The following NRCAM variants were observed in gnomAD, a reference collection of about 807,000 sequenced individuals.
NRCAM encodes neuronal cell adhesion molecule, also known as NgCAM-related cell adhesion molecule.
A neutral mutation model predicts 156.5 loss-of-function variants in NRCAM; 83 were observed. The observed-to-expected ratio is 0.53, with a 90% CI of 0.44 to 0.64. NRCAM has a LOEUF of 0.64. Among genes scored for constraint, NRCAM ranks in the 30% least tolerant of loss-of-function variants. NRCAM has a pLI of 0.00. For missense variants in NRCAM, 1,417 were observed against 1,597.3 expected, an observed-to-expected ratio of 0.89 and a Z score of 1.92; for synonymous variants, 538 against 563.9, an observed-to-expected ratio of 0.95 and a Z score of 0.65.
chr7:108,454,224 C>A (rs1853855279), intron 1 of NRCAM, among the ~76,000 whole-genome samples: 1 of 152,146 alleles, frequency 6.6e-6, no homozygotes, highest in Non-Finnish European at 1.5e-5. Context: ...CACAATATTG[C>A]CTGCTACTGT....
chr7:108,268,637 G>GGGGGGGGGGGGA (rs2097209664), intron 3 of NRCAM, among the ~76,000 whole-genome samples: 2 of 48,590 alleles, frequency 4.1e-5, no homozygotes, highest in Non-Finnish European at 8.0e-5. Context: ...GGGGGGGGTT[G>GGGGGGGGGGGGA]GGGGGGGCGG....
rs186086454 is a variant in NRCAM, at chr7:108,228,927, T to A, written c.550+2104A>T. ...TTTACTTTCTCTGAGTGCTTTCATA[T>A]AAGGAGAGCCAAAATGCATCCCAGA... On this transcript the variant is annotated intron_variant, in intron 8 of 32. Transcript: ENST00000379028. 2.0e-5 allele frequency among the ~76,000 whole-genome samples: 3 copies of A among 152,276 alleles called. No homozygotes were observed. In the South Asian group the frequency reaches 6.2e-4, roughly 32 times the overall value.
chr7:108,263,187 AT>A (rs2096949466), intron 3 of NRCAM, among the ~76,000 whole-genome samples: 1 of 152,238 alleles, frequency 6.6e-6, no homozygotes, highest in African/African-American at 2.4e-5. Flanking sequence ...CAGTCTCTAG[AT>A]TCCAGGAGGA....
intron 11 of NRCAM, among the ~76,000 whole-genome samples, chr7:108,214,498 TTC>T (rs1491314183): frequency 1.7e-3 from 252 of 150,704 alleles, no homozygotes; most frequent in African/African-American, 5.8e-3. Context: ...TCTTCTCTCT[TTC>T]TTCTTTATTA....
intron 3 of NRCAM, among the ~76,000 whole-genome samples, chr7:108,300,160 CTTTTTTTTTTT>C (rs10665036): frequency 0.012 from 779 of 65,890 alleles, 10 homozygotes; most frequent in African/African-American, 0.041. Flanking sequence ...TTTCTGTTGA[CTTTTTTTTTTT>C]TTTTTTTTTT....
At chr7:108,165,979 G>A (rs907567087) in intron 30 of NRCAM, among the ~76,000 whole-genome samples, 5 of 152,160 alleles carry the variant, frequency 3.3e-5, no homozygotes, top group Admixed American at 6.5e-5. Flanking sequence ...TCCATCTAGC[G>A]AGCAAATACG....
At chr7:108,156,511 G>A (rs1453850933) in intron 32 of NRCAM, 1 of 720,194 alleles carries the variant, frequency 1.4e-6, no homozygotes, top group Non-Finnish European at 1.7e-6. Context: ...AACTGCTTGG[G>A]GGTGGGTGTC....
intron 30 of NRCAM, among the ~76,000 whole-genome samples, chr7:108,163,488 G>A (rs1034121385): frequency 4.6e-5 from 7 of 152,172 alleles, no homozygotes; most frequent in African/African-American, 1.7e-4. Flanking sequence ...CTGTTCAAAT[G>A]CTTAGACATC....
chr7:108,264,802 T>C (rs373239935), intron 3 of NRCAM, among the ~76,000 whole-genome samples: 1 of 152,220 alleles, frequency 6.6e-6, no homozygotes, highest in Non-Finnish European at 1.5e-5. Flanking sequence ...ATTGACCTCG[T>C]TGAGTTTCTA....
chr7:108,164,552 G>A (rs977364698), intron 30 of NRCAM, among the ~76,000 whole-genome samples: 1 of 152,004 alleles, frequency 6.6e-6, no homozygotes, highest in Non-Finnish European at 1.5e-5. Flanking sequence ...GGAACCGAGA[G>A]GAGAGGAGAG....
At chr7:108,346,534 T>G (rs1563363422) in intron 2 of NRCAM, among the ~76,000 whole-genome samples, 1 of 152,204 alleles carries the variant, frequency 6.6e-6, no homozygotes, top group Non-Finnish European at 1.5e-5. Flanking sequence ...AAGAAAATAA[T>G]AATATACAGG....
chr7:108,411,006 T>C (rs1484639365), intron 1 of NRCAM, among the ~76,000 whole-genome samples: 5 of 141,028 alleles, frequency 3.5e-5, no homozygotes, highest in Admixed American at 6.9e-5. Context: ...ATTCTGTTTT[T>C]TTAAAAAAAC....
chr7:108,406,462 T>G (rs2099807789), intron 1 of NRCAM, among the ~76,000 whole-genome samples: 1 of 152,192 alleles, frequency 6.6e-6, no homozygotes, highest in South Asian at 2.1e-4. Flanking sequence ...GTGCACATCA[T>G]AAAAATTTAA....
At chr7:108,254,043 A>G (rs1389352297) in intron 3 of NRCAM, among the ~76,000 whole-genome samples, 1 of 152,244 alleles carries the variant, frequency 6.6e-6, no homozygotes, top group Non-Finnish European at 1.5e-5. Context: ...ATAGTTTTTC[A>G]ATCCTTGGCA....
intron 3 of NRCAM, among the ~76,000 whole-genome samples, chr7:108,262,263 G>C (rs1454192697): frequency 6.6e-6 from 1 of 152,018 alleles, no homozygotes; most frequent in Non-Finnish European, 1.5e-5. Context: ...ACCCATGATT[G>C]GTCCCTTGAT....
chr7:108,404,687 T>A (rs2099802411), intron 1 of NRCAM, among the ~76,000 whole-genome samples: 1 of 152,146 alleles, frequency 6.6e-6, no homozygotes. Context: ...CATGACAACT[T>A]AATGAGGTAT....
At chr7:108,419,854 G>T (rs1806882906) in intron 1 of NRCAM, among the ~76,000 whole-genome samples, 1 of 152,132 alleles carries the variant, frequency 6.6e-6, no homozygotes, top group Non-Finnish European at 1.5e-5. Context: ...GTGTCCAGTA[G>T]GCATTAAGTC....
At position 108,240,031 on chromosome 7, in the gene NRCAM, A is replaced by C; in HGVS notation, c.34T>G (p.Leu12Val). ...ATCAGGGGCACTCTGCCCGCAGATA[A>C]GCGCTTCTTTTTCGGCATTATTTTA... ...QLKIMPKKKR[L>V]SAGRVPLILF... The change falls in exon 4 of 33, where the codon TTA (leucine) becomes GTA (valine). Residue 12 changes from leucine to valine, a missense_variant. By Grantham distance (32) the Leu-to-Val change is conservative (BLOSUM62 1). Coordinates refer to ENST00000379028, the MANE Select transcript of NRCAM (RefSeq NM_001037132.4). 6.2e-7 allele frequency: 1 copy of C among 1,613,242 alleles called. No individual in the cohort carries two copies. The highest frequency in any genetic ancestry group is 1.7e-4 in the Middle Eastern group (1 of 6,054).
At chr7:108,446,002 A>G (rs1843712908) in intron 1 of NRCAM, among the ~76,000 whole-genome samples, 1 of 152,176 alleles carries the variant, frequency 6.6e-6, no homozygotes, top group African/African-American at 2.4e-5. Flanking sequence ...CAGAGGGTAG[A>G]AAGCAATCTC....
Sources: gnomAD v4.1 joint callset for allele counts (sites outside exome capture counted in the v4.1 genomes callset) on GRCh38, gnomAD v4.1.1 for gene constraint, MANE v1.5 for transcripts, NCBI Gene and HGNC (gene_info 2026-07-23, HGNC 2026-07-21) for gene names.